FBXO3: variants seen among roughly 807,000 people sequenced by gnomAD.
The protein encoded by FBXO3 is F-box protein 3.
Under a neutral mutation model 64.8 loss-of-function variants are expected in FBXO3, and 17 were observed. That is an observed-to-expected ratio of 0.26 (90% CI 0.18 to 0.39). FBXO3 has a LOEUF of 0.39. Ranked by LOEUF, FBXO3 falls within the 10% of genes least tolerant of loss-of-function variation. FBXO3 has a pLI of 1.00. For missense variants in FBXO3, 420 were observed against 589.9 expected, an observed-to-expected ratio of 0.71 and a Z score of 2.98; for synonymous variants, 182 against 201.6, an observed-to-expected ratio of 0.90 and a Z score of 0.82.
intron 7 of FBXO3, among the ~76,000 whole-genome samples, chr11:33,750,868 G>A (rs1350410673): frequency 6.6e-6 from 1 of 152,154 alleles, no homozygotes; most frequent in Non-Finnish European, 1.5e-5. Context: ...AGTAATGACA[G>A]CAATCAAGGT....
intron 2 of FBXO3, among the ~76,000 whole-genome samples, chr11:33,769,857 T>TC (rs1383950079): frequency 1.4e-5 from 1 of 72,402 alleles, no homozygotes; most frequent in Non-Finnish European, 3.2e-5. Context: ...AGGGTGGGTT[T>TC]TTTTTTTTTT....
chr11:33,762,039 G>A (rs1855256434), intron 3 of FBXO3, among the ~76,000 whole-genome samples: 1 of 152,140 alleles, frequency 6.6e-6, no homozygotes, highest in Admixed American at 6.5e-5. Flanking sequence ...AATTACATAT[G>A]CAAAATCCCT....
chr11:33,769,025 G>T lies in FBXO3; in HGVS notation c.195-11C>A. 3 of 1,583,046 alleles carry T rather than the reference G, an allele frequency of 1.9e-6. No individual in the cohort carries two copies. Among genetic ancestry groups the T allele is most frequent in the Non-Finnish European group, 2.6e-6 (3 of 1,167,674 alleles). The stretch of plus-strand genomic sequence containing the variant: ...TGTGTTTTCTCTTCCCTAAATAGAT[G>T]AAAAACATGAGATTTTAAATCTTTT... On this transcript the variant is annotated splice_polypyrimidine_tract_variant and intron_variant, in intron 2 of 10. Transcript: ENST00000265651.
At chr11:33,747,439 A>C (rs1590562860) in intron 9 of FBXO3, 119 bp from the exon 10 acceptor site, 1 of 792,634 alleles carries the variant, frequency 1.3e-6, no homozygotes, top group African/African-American at 1.8e-5. Context: ...ACAGTTAGAA[A>C]AAAAAATTCC....
intron 3 of FBXO3, among the ~76,000 whole-genome samples, chr11:33,765,627 C>T (rs1334747915): frequency 1.3e-5 from 2 of 152,040 alleles, no homozygotes; most frequent in African/African-American, 4.8e-5. Flanking sequence ...TATATTTGTC[C>T]CCTCCCAAAT....
chr11:33,749,715 T>C (rs1369967111), intron 8 of FBXO3, among the ~76,000 whole-genome samples: 2 of 152,188 alleles, frequency 1.3e-5, no homozygotes, highest in Non-Finnish European at 2.9e-5. Flanking sequence ...CCCCTTTCCC[T>C]AGGAATCTGG....
intron 3 of FBXO3, among the ~76,000 whole-genome samples, chr11:33,762,312 C>T (rs1855262756): frequency 6.6e-6 from 1 of 152,140 alleles, no homozygotes; most frequent in Non-Finnish European, 1.5e-5. Context: ...ATTATATATA[C>T]AGTATTGAAC....
intron 1 of FBXO3, chr11:33,772,727 G>A (rs1388401280): frequency 2.0e-5 from 3 of 152,194 alleles, no homozygotes; most frequent in African/African-American, 7.2e-5. Context: ...TGGACTGTAA[G>A]CTCCATAAGA....
At chr11:33,750,171 T>A (rs1309537432) in intron 8 of FBXO3, among the ~76,000 whole-genome samples, 2 of 152,094 alleles carry the variant, frequency 1.3e-5, no homozygotes, top group African/African-American at 2.4e-5. Flanking sequence ...TTAGATTTTT[T>A]AATTGAATAT....
At chr11:33,749,064 T>G (rs189160163) in intron 8 of FBXO3, among the ~76,000 whole-genome samples, 172 bp from the exon 9 acceptor site, 166 of 152,348 alleles carry the variant, frequency 1.1e-3, no homozygotes, top group Admixed American at 2.2e-3. Flanking sequence ...AGATACTGGC[T>G]TCATTAACTT....
chr11:33,768,890 A>T lies in FBXO3; in HGVS notation c.319T>A (p.Leu107Met). 1 of 1,614,100 alleles carries T rather than the reference A, an allele frequency of 6.2e-7. No homozygotes were observed. The highest frequency in any genetic ancestry group is 8.5e-7 in the Non-Finnish European group (1 of 1,179,972). Residue 107 changes from leucine to methionine, a missense_variant, in exon 3 of 11, where the codon TTG becomes ATG. Around this residue, in one of 3 missense-constraint regions of FBXO3, gnomAD observed 337 missense variants for 518.4 expected, o/e 0.65. Transcript: ENST00000265651. ...KKAWDDLKKY[L>M]EPRCPRMVLS... ...ACCATCCGAGGACACCTGGGCTCCA[A>T]ATATTTCTTGAGATCATCCCAGGCC...
intron 1 of FBXO3, chr11:33,771,052 C>T: frequency 2.5e-6 from 1 of 398,718 alleles, no homozygotes; most frequent in Non-Finnish European, 4.6e-6. Context: ...AACCCTGAAA[C>T]ATCTACAACT....
chr11:33,752,978 T>C (rs1855001419), intron 6 of FBXO3: 1 of 152,222 alleles, frequency 6.6e-6, no homozygotes, highest in Non-Finnish European at 1.5e-5. Context: ...ACTAAACTTA[T>C]CTGACAGATT....
Position 33,747,180 on chromosome 11 carries a change from G to A in FBXO3, c.1189C>T (p.Pro397Ser). 1 of 1,610,520 alleles carries A rather than the reference G, an allele frequency of 6.2e-7. No homozygotes were observed. The highest frequency in any genetic ancestry group is 8.5e-7 in the Non-Finnish European group (1 of 1,179,212). The part of the protein sequence containing the change: ...FKDKIFNVAI[P>S]RFHMACPTFR... ...GTTGGACATGCCATATGGAATCGGG[G>A]AATGGCAACATTAAAGATCTTGTCT... Residue 397 changes from proline to serine, a missense_variant, in exon 10 of 11, where the codon CCC becomes TCC. Physicochemically the swap from Pro to Ser is moderately conservative, Grantham distance 74. Transcript: ENST00000265651.
intron 1 of FBXO3, 106 bp from the exon 2 acceptor site, chr11:33,770,936 A>T: frequency 1.2e-6 from 1 of 838,852 alleles, no homozygotes. Flanking sequence ...TGTTTCTCTT[A>T]CTTTTCACTT....
In FBXO3 at chr11:33,751,304, A is replaced by G. The variant is rs1473363757; in HGVS notation, c.809+219T>C. On this transcript the variant is annotated intron_variant, in intron 7 of 10. Transcript: ENST00000265651. ...CTAAATCAAAATCAGCTTTTTCTTG[A>G]TTCTTCTGGATAGGAAAAATACCAG... 2.6e-5 allele frequency among the ~76,000 whole-genome samples: 4 copies of G among 152,144 alleles called. No homozygotes were observed. The East Asian group carries it at 7.7e-4, about 29-fold the overall frequency.
chr11:33,774,470 G>T lies in FBXO3; in HGVS notation c.28C>A (p.Pro10Thr). MAAMETETA[P>T]LTLESLPTDP... is the part of the protein sequence containing the mutation. ...GTGGGCAGCGACTCTAGGGTCAGCG[G>T]CGCCGTCTCGGTCTCCATGGCCGCC... The change falls in exon 1 of 11, where the codon CCG becomes ACG. Residue 10 changes from proline (P) to threonine (T), a missense_variant. Pro to Thr is a conservative substitution (Grantham distance 38, BLOSUM62 -1). Around this residue, in one of 3 missense-constraint regions of FBXO3, gnomAD observed 26 missense variants for 16.1 expected, o/e 1.62. Coordinates refer to ENST00000265651, the MANE Select transcript of FBXO3 (RefSeq NM_012175.4). 2 of 1,587,028 alleles carry T rather than the reference G, an allele frequency of 1.3e-6. No individual in the cohort carries two copies. The highest frequency in any genetic ancestry group is 1.7e-6 in the Non-Finnish European group (2 of 1,167,368).
At chr11:33,762,728 G>GA (rs34611010) in intron 3 of FBXO3, among the ~76,000 whole-genome samples, 38,021 of 141,354 alleles carry the variant, frequency 0.27, 6,036 homozygotes, top group East Asian at 0.43. Flanking sequence ...CCCAAGTCAG[G>GA]AAAAAAAAAA....
intron 8 of FBXO3, among the ~76,000 whole-genome samples, 194 bp downstream of exon 8, chr11:33,750,340 ATAACT>A (rs1269503298): frequency 1.3e-5 from 2 of 152,246 alleles, no homozygotes; most frequent in African/African-American, 4.8e-5. Flanking sequence ...TTTTCAAGAA[ATAACT>A]TAACTTAGAG....
Sources: allele counts gnomAD v4.1 joint callset (sites outside exome capture counted in the v4.1 genomes callset), GRCh38; gene constraint gnomAD v4.1.1; regional missense constraint gnomAD v4.1.1; transcripts MANE v1.5; gene names NCBI Gene and HGNC (gene_info 2026-07-23, HGNC 2026-07-21).